Variants in DNAH10 observed in about 807,000 individuals in gnomAD.
DNAH10 encodes the protein dynein axonemal heavy chain 10, also known as axonemal beta dynein heavy chain 10.
Under a neutral mutation model 506.6 loss-of-function variants are expected in DNAH10, and 348 were observed. The observed-to-expected ratio is 0.69, with a 90% CI of 0.63 to 0.75. The LOEUF is 0.75. DNAH10 is among the 30% of genes least tolerant of loss of function. DNAH10 has a pLI of 0.00. For synonymous variants in DNAH10, 2,059 were observed against 2,198.6 expected (o/e 0.94, Z 1.78); for missense variants, 5,179 against 5,787.1 (o/e 0.89, Z 3.41).
intron 15 of DNAH10, 143 bp from the exon 16 acceptor site, chr12:123,801,138 G>C (rs1267480639): frequency 1.2e-6 from 1 of 807,986 alleles, no homozygotes; most frequent in Non-Finnish European, 1.9e-6. Context: ...AATGAGAAGA[G>C]TGATGTTTTA....
intron 25 of DNAH10, 92 bp from the exon 26 acceptor site, chr12:123,830,454 A>G: frequency 7.2e-7 from 1 of 1,380,476 alleles, no homozygotes; most frequent in Non-Finnish European, 9.8e-7. Context: ...GAAGTTTACA[A>G]AATGAGATTT....
intron 36 of DNAH10, among the ~76,000 whole-genome samples, chr12:123,856,423 A>C (rs1309521052): frequency 1.3e-5 from 2 of 149,974 alleles, no homozygotes; most frequent in Non-Finnish European, 3.0e-5. Context: ...TGCAACCTCC[A>C]CCTCCTGGGT....
chr12:123,901,293 G>A (rs764743199), intron 56 of DNAH10, among the ~76,000 whole-genome samples: 1 of 151,776 alleles, frequency 6.6e-6, no homozygotes, highest in African/African-American at 2.4e-5. Flanking sequence ...CCCCACCCCC[G>A]CGCCTCAGCA....
intron 2 of DNAH10, among the ~76,000 whole-genome samples, chr12:123,768,492 C>T (rs181660475): frequency 1.6e-4 from 25 of 152,312 alleles, no homozygotes; most frequent in African/African-American, 5.8e-4. Flanking sequence ...CCACTCTAAT[C>T]CATATCACCT....
chr12:123,864,783 A>G, intron 40 of DNAH10, 53 bp downstream of exon 40: 1 of 1,556,282 alleles, frequency 6.4e-7, no homozygotes, highest in South Asian at 1.2e-5. Flanking sequence ...GTAATTAAAA[A>G]TGCAAATGTT....
chr12:123,881,947 G>A, intron 51 of DNAH10, 134 bp downstream of exon 51: 3 of 900,810 alleles, frequency 3.3e-6, no homozygotes, highest in Non-Finnish European at 4.4e-6. Flanking sequence ...GGGTGTTTTG[G>A]TTTGTTTTAT....
rs903345243 is a variant in DNAH10 at position 123,878,926 on chromosome 12, G to A, written c.8373-338G>A. ...AAAAAGAAAAAAGAGAGAAAAAGAA[G>A]TTGCCAGTGACCCTGATGCTGATTT... On this transcript the variant is annotated intron_variant, in intron 48 of 78. Transcript: ENST00000673944. Among the ~76,000 whole-genome samples, 12 of 152,060 alleles carry A rather than the reference G, an allele frequency of 7.9e-5. 1 individual carries two copies. The highest frequency in any genetic ancestry group is 7.9e-4 in the Admixed American group (12 of 15,242).
chr12:123,849,169 T>G (rs1365823424), intron 34 of DNAH10, among the ~76,000 whole-genome samples: 1 of 152,200 alleles, frequency 6.6e-6, no homozygotes, highest in Non-Finnish European at 1.5e-5. Context: ...CAGGGTCCCC[T>G]AGAAAGGAAA....
At chr12:123,896,502 C>A (rs544162130) in intron 54 of DNAH10, among the ~76,000 whole-genome samples, 255 of 152,284 alleles carry the variant, frequency 1.7e-3, no homozygotes, top group Non-Finnish European at 2.7e-3. Flanking sequence ...GGAAGGCCCA[C>A]CTTTGCCGAT....
chr12:123,829,284 G>A (rs2136484046), intron 25 of DNAH10, among the ~76,000 whole-genome samples: 2 of 152,282 alleles, frequency 1.3e-5, no homozygotes, highest in South Asian at 4.2e-4. Flanking sequence ...GGCACAGAAA[G>A]TGGGGGCATC....
At chr12:123,809,047 C>T (rs1958825790) in intron 19 of DNAH10, 94 bp downstream of exon 19, 1 of 1,438,358 alleles carries the variant, frequency 7.0e-7, no homozygotes, top group Non-Finnish European at 9.5e-7. Flanking sequence ...AGCCACTGCC[C>T]AAGGTGGAAT....
rs1050656749 is a variant in DNAH10, at chr12:123,845,005, A to ATATTT, written c.5361-578_5361-574dup. 3.3e-5 allele frequency among the ~76,000 whole-genome samples: 5 copies of ATATTT among 151,956 alleles called. No individual in the cohort carries two copies. The South Asian group carries it at 8.3e-4, about 25-fold the overall frequency. Reference sequence around the variant, plus strand: ...AGTAAGTTTGAAAACCTATAATCAAATATTTTATTTTATTTTATTTTTTAG... The same window carrying ATATTT: ...AGTAAGTTTGAAAACCTATAATCAAATATTTTATTTTATTTTATTTTATTTTTTAG... On this transcript the variant is annotated intron_variant, in intron 30 of 78. Coordinates refer to ENST00000673944, the MANE Select transcript of DNAH10 (RefSeq NM_001372106.1).
intron 73 of DNAH10, among the ~76,000 whole-genome samples, 170 bp from the exon 74 acceptor site, chr12:123,931,171 T>A (rs1280567843): frequency 6.6e-6 from 1 of 151,752 alleles, no homozygotes; most frequent in Non-Finnish European, 1.5e-5. Flanking sequence ...TCAATGACCA[T>A]GTCAGTGCAC....
chr12:123,801,490 A>T, intron 16 of DNAH10, 58 bp downstream of exon 16: 1 of 1,567,056 alleles, frequency 6.4e-7, no homozygotes, highest in Non-Finnish European at 8.7e-7. Flanking sequence ...TAATTCTTTT[A>T]GGTTGTTTTA....
chr12:123,871,578 C>T lies in DNAH10; in HGVS notation c.7761C>T (p.Leu2587=). ...TSKTATTQNF[L]KNLSEETNIV... ...AGACAGCCACTACCCAGAATTTCCTCAAAAATCTGAGTGAAGAAACTAACG... is the reference window on the plus strand; with the variant it reads ...AGACAGCCACTACCCAGAATTTCCTTAAAAATCTGAGTGAAGAAACTAACG... Residue 2587 remains leucine, a synonymous_variant, in exon 45 of 79, where the codon CTC becomes CTT. Transcript: ENST00000673944. 1 of 1,551,054 alleles carries T rather than the reference C, an allele frequency of 6.4e-7. No individual in the cohort carries two copies. The highest frequency in any genetic ancestry group is 8.7e-7 in the Non-Finnish European group (1 of 1,147,048).
Position 123,785,794 on chromosome 12 carries a change from G to C in DNAH10, c.1279G>C (p.Ala427Pro). ...CCACGTGGTCCTGGACACCATCCCC[G>C]CCATGATGAGTGCCCTGCGGATGGT... is the stretch of plus-strand genomic sequence containing the variant. ...GFHVVLDTIP[A>P]MMSALRMVWI... Residue 427 changes from alanine to proline, a missense_variant, in exon 9 of 79, where the codon GCC (alanine) becomes CCC (proline). By Grantham distance (27) the Ala-to-Pro change is conservative. Transcript: ENST00000673944. The surrounding 1 kb of genome is among the most constrained non-coding windows in gnomAD (Gnocchi z 4.1). The C allele has an allele frequency of 6.2e-7, 1 of 1,613,994 alleles. No homozygotes were observed. Among genetic ancestry groups the C allele is most frequent in the South Asian group, 1.1e-5 (1 of 91,080 alleles).
chr12:123,851,089 G>A lies in DNAH10; in HGVS notation c.6291+13G>A. On this transcript the variant is annotated intron_variant, in intron 35 of 78. Coordinates refer to ENST00000673944, the MANE Select transcript of DNAH10 (RefSeq NM_001372106.1). ...CCTGGAGGCCAAGGTGGGGGGCCTT[G>A]GCAGCGCCAGGTCGTGCAGTGCAGA... The A allele has an allele frequency of 1.3e-6, 2 of 1,587,870 alleles. No homozygotes were observed. The highest frequency in any genetic ancestry group is 1.7e-6 in the Non-Finnish European group (2 of 1,164,708).
Position 123,794,861 on chromosome 12 carries a change from A to G in DNAH10, c.1986+749A>G, listed in dbSNP as rs1305010924. 1.4e-5 allele frequency among the ~76,000 whole-genome samples: 2 copies of G among 144,946 alleles called. 1 individual carries two copies. Among genetic ancestry groups the G allele is most frequent in the Admixed American group, 1.4e-4 (2 of 14,414 alleles). On this transcript the variant is annotated intron_variant, in intron 12 of 78. Coordinates refer to ENST00000673944, the MANE Select transcript of DNAH10 (RefSeq NM_001372106.1). ...AACCCTGTCTAAAAAAAAAAAAAAA[A>G]TGCTGGCCAGTCGCTGTGACTCATG...
Position 123,928,970 on chromosome 12 carries a change from C to G in DNAH10, c.12307-305C>G. 1 of 483,248 alleles carries G rather than the reference C, an allele frequency of 2.1e-6. No homozygotes were observed. The highest frequency in any genetic ancestry group is 3.6e-6 in the Non-Finnish European group (1 of 276,502). The allele number at this position is 483,248 out of a possible 1,614,324, so 29.9% of individuals were successfully genotyped here. On this transcript the variant is annotated intron_variant, in intron 70 of 78. Transcript: ENST00000673944. This position sits in a 1 kb window ranked among gnomAD's most constrained non-coding sequence, Gnocchi z 4.9. ...GGAAATTCTTTTGGAAAGGTTTTGT[C>G]ATTCTCTGTCTCTCTCTCTCTCTCT...
Sources: gnomAD v4.1 joint callset for allele counts (sites outside exome capture counted in the v4.1 genomes callset) on GRCh38, gnomAD v4.1.1 for gene constraint, Gnocchi (gnomAD v3.1) non-coding constraint, MANE v1.5 for transcripts, NCBI Gene and HGNC (gene_info 2026-07-23, HGNC 2026-07-21) for gene names.